Variants in GPR155 observed in about 807,000 individuals in gnomAD.
The protein encoded by GPR155 is G protein-coupled receptor 155, also known as lysosomal cholesterol signaling protein.
GPR155 carries 65 observed loss-of-function variants against 93.1 expected under a neutral mutation model. The ratio of observed to expected loss-of-function variants is 0.70; its 90% CI spans 0.57 to 0.86. GPR155 has a LOEUF of 0.86. Among genes scored for constraint, GPR155 ranks in the 40% least tolerant of loss-of-function variants. The pLI is 0.00. For missense variants in GPR155, 838 were observed against 1,034.8 expected, an observed-to-expected ratio of 0.81 and a Z score of 2.61; for synonymous variants, 319 against 360.1, an observed-to-expected ratio of 0.89 and a Z score of 1.29.
chr2:174,451,713 A>G (rs1396361267), intron 11 of GPR155, among the ~76,000 whole-genome samples: 1 of 152,164 alleles, frequency 6.6e-6, no homozygotes, highest in African/African-American at 2.4e-5. Flanking sequence ...AGACATGATC[A>G]TGGCCTATTG....
chr2:174,437,960 A>G (rs1383648042), intron 15 of GPR155, among the ~76,000 whole-genome samples: 1 of 151,458 alleles, frequency 6.6e-6, no homozygotes, highest in Non-Finnish European at 1.5e-5. Flanking sequence ...AGCTATAATA[A>G]CAGCCCATGG....
chr2:174,468,994 A>G lies in GPR155; in HGVS notation c.1100T>C (p.Phe367Ser). The G allele has an allele frequency of 6.2e-7, 1 of 1,614,066 alleles. No homozygotes were observed. Residue 367 changes from phenylalanine (F) to serine (S), a missense_variant, in exon 5 of 16, where the codon TTT (phenylalanine) becomes TCT (serine). Coordinates refer to ENST00000392552, the MANE Select transcript of GPR155 (RefSeq NM_152529.7). ...CAATGGCTTAGGGTCCATAGTGGGAAAGGTCAGTAACCAGGCAGAAACGTA... is the reference window on the plus strand; with the variant it reads ...CAATGGCTTAGGGTCCATAGTGGGAGAGGTCAGTAACCAGGCAGAAACGTA... ...IMYVSAWLLT[F>S]PTMDPKPLAY...
chr2:174,465,671 G>A (rs1011827497), intron 7 of GPR155, 114 bp downstream of exon 7: 8 of 599,204 alleles, frequency 1.3e-5, no homozygotes, highest in Non-Finnish European at 2.4e-5. Flanking sequence ...CTGCCTCAGT[G>A]CATGCCTTGA....
intron 3 of GPR155, among the ~76,000 whole-genome samples, chr2:174,472,505 T>C (rs1688025475): frequency 6.6e-6 from 1 of 152,224 alleles, no homozygotes; most frequent in Non-Finnish European, 1.5e-5. Context: ...TCATATTGAC[T>C]TGGCTGTATT....
intron 2 of GPR155, among the ~76,000 whole-genome samples, chr2:174,476,931 A>G (rs1159888957): frequency 2.0e-5 from 3 of 152,132 alleles, no homozygotes; most frequent in Non-Finnish European, 2.9e-5. Flanking sequence ...ACTTTGTTTC[A>G]TACTAGTGCC....
intron 2 of GPR155, among the ~76,000 whole-genome samples, chr2:174,475,294 CAAAAAAAAAAAAA>C (rs71024809): frequency 1.9e-3 from 123 of 64,322 alleles, no homozygotes; most frequent in African/African-American, 8.3e-3. Context: ...GACTCCGTCT[CAAAAAAAAAAAAA>C]AAAAAAAAAA....
chr2:174,473,462 C>T (rs933691720), intron 2 of GPR155, 98 bp from the exon 3 acceptor site: 2 of 827,614 alleles, frequency 2.4e-6, no homozygotes, highest in Admixed American at 6.0e-5. Context: ...AATGATAAAT[C>T]TAAAATTTTC....
At chr2:174,472,944 A>G (rs776313866) in intron 3 of GPR155, 21 bp downstream of exon 3, 2 of 1,566,792 alleles carry the variant, frequency 1.3e-6, no homozygotes, top group Non-Finnish European at 1.7e-6. Context: ...ACAATTCTCA[A>G]GTTAAATAAG....
At chr2:174,458,558 C>T (rs1559107891) in intron 10 of GPR155, among the ~76,000 whole-genome samples, 1 of 152,318 alleles carries the variant, frequency 6.6e-6, no homozygotes, top group East Asian at 1.9e-4. Flanking sequence ...CCTGTCAATA[C>T]AACTTTGCCT....
At chr2:174,445,018 C>A (rs915217180) in intron 13 of GPR155, 63 bp downstream of exon 13, 2 of 801,510 alleles carry the variant, frequency 2.5e-6, no homozygotes, top group Non-Finnish European at 2.2e-6. Context: ...CTTCCCCCGA[C>A]CCCCTACCAA....
intron 15 of GPR155, among the ~76,000 whole-genome samples, chr2:174,437,577 C>CTTT (rs397871619): frequency 9.3e-5 from 10 of 107,930 alleles, no homozygotes; most frequent in African/African-American, 1.9e-4. Flanking sequence ...GGCCTAACAC[C>CTTT]TTTTTTTTTT....
In GPR155 at chr2:174,459,941, A is replaced by G. The variant is rs1375378693; in HGVS notation, c.1708T>C (p.Phe570Leu). Residue 570 changes from phenylalanine (F) to leucine (L), a missense_variant, in exon 10 of 16, where the codon TTT becomes CTT. Phe to Leu is a conservative substitution (Grantham distance 22). Around this residue, in one of 3 missense-constraint regions of GPR155, gnomAD observed 663 missense variants for 790.1 expected, o/e 0.84. Coordinates refer to ENST00000392552, the MANE Select transcript of GPR155 (RefSeq NM_152529.7). ...HKVVEPGNTA[F>L]EESPAPVNEP... The stretch of plus-strand genomic sequence containing the variant: ...TTTACTGGTGCTGGACTCTCCTCAA[A>G]AGCAGTATTTCCAGGCTCCACCACT... The G allele has an allele frequency of 2.5e-6, 4 of 1,614,066 alleles. No homozygotes were observed. The Admixed American group carries it at 6.7e-5, about 27-fold the overall frequency.
At chr2:174,476,702 A>G (rs1383975837) in intron 2 of GPR155, among the ~76,000 whole-genome samples, 1 of 152,218 alleles carries the variant, frequency 6.6e-6, no homozygotes, top group East Asian at 1.9e-4. Flanking sequence ...CCTTAATGCA[A>G]AGACTCCATC....
Position 174,461,666 on chromosome 2 carries a change from A to G in GPR155, c.1391T>C (p.Leu464Pro), listed in dbSNP as rs1687701331. ...LYSTYLWTGL[L>P]AISLFLLKKR... Reference sequence around the variant, plus strand: ...TTTCAAAAGAAACAAAGAAATTGCTAGAAGGCCTAAGAATAAGAAGATTGA... The same window carrying G: ...TTTCAAAAGAAACAAAGAAATTGCTGGAAGGCCTAAGAATAAGAAGATTGA... The change falls in exon 8 of 16, where the codon CTA becomes CCA. Residue 464 changes from leucine (L) to proline (P), a missense_variant. This residue lies in a region of GPR155 where 663 missense variants were observed against 790.1 expected (regional missense o/e 0.84). Coordinates refer to ENST00000392552, the MANE Select transcript of GPR155 (RefSeq NM_152529.7). The G allele has an allele frequency of 1.9e-6, 3 of 1,556,490 alleles. No homozygotes were observed. The African/African-American group carries it at 4.1e-5, about 21-fold the overall frequency.
chr2:174,481,445 A>G, intron 2 of GPR155, 52 bp downstream of exon 2: 1 of 1,156,418 alleles, frequency 8.6e-7, no homozygotes, highest in Admixed American at 2.3e-5. Flanking sequence ...CAAATGCCTA[A>G]ATAAATTAAA....
chr2:174,461,412 C>T lies in GPR155; in HGVS notation c.1550G>A (p.Gly517Glu). 6.2e-7 allele frequency: 1 copy of T among 1,608,146 alleles called. No homozygotes were observed. Among genetic ancestry groups the T allele is most frequent in the South Asian group, 1.1e-5 (1 of 90,946 alleles). The change falls in exon 9 of 16, where the codon GGA becomes GAA. Residue 517 changes from glycine (G) to glutamate (E), a missense_variant. Coordinates refer to ENST00000392552, the MANE Select transcript of GPR155 (RefSeq NM_152529.7). ...GDSIDSAFFY[G>E]KEQMITTAVT... Reference sequence around the variant, plus strand: ...GTAAACTCTTCCCACCTGTTCTTTTCCATAAAAGAAGGCTGAGTCAATGCT... The same window carrying T: ...GTAAACTCTTCCCACCTGTTCTTTTTCATAAAAGAAGGCTGAGTCAATGCT...
At chr2:174,469,766 A>T (rs1000841605) in intron 4 of GPR155, among the ~76,000 whole-genome samples, 1 of 152,198 alleles carries the variant, frequency 6.6e-6, no homozygotes, top group Non-Finnish European at 1.5e-5. Flanking sequence ...AAAACTGATT[A>T]AAAAAAGTCA....
intron 10 of GPR155, among the ~76,000 whole-genome samples, chr2:174,459,391 A>C (rs1687615456): frequency 6.6e-6 from 1 of 152,226 alleles, no homozygotes; most frequent in African/African-American, 2.4e-5. Flanking sequence ...TACTCACAAT[A>C]AGACTTATAA....
chr2:174,453,490 C>G (rs147415236), intron 11 of GPR155, among the ~76,000 whole-genome samples: 10,033 of 151,784 alleles, frequency 0.066, 432 homozygotes, highest in Middle Eastern at 0.16. Flanking sequence ...GAAACTCCGT[C>G]TCTACTAAAA....
Sources: allele counts gnomAD v4.1 joint callset (sites outside exome capture counted in the v4.1 genomes callset), GRCh38; gene constraint gnomAD v4.1.1; regional missense constraint gnomAD v4.1.1; transcripts MANE v1.5; gene names NCBI Gene and HGNC (gene_info 2026-07-23, HGNC 2026-07-21).